Variants in DDX47 observed in about 807,000 individuals in gnomAD.
The protein encoded by DDX47 is probable ATP-dependent RNA helicase DDX47.
Under a neutral mutation model 58.8 loss-of-function variants are expected in DDX47, and 60 were observed. The ratio of observed to expected loss-of-function variants is 1.02; its 90% CI spans 0.83 to 1.26. The LOEUF (loss-of-function observed/expected upper bound fraction) is 1.26. Among genes scored for constraint, DDX47 ranks in the 50% most tolerant of loss-of-function variants. The probability of loss-of-function intolerance (pLI) is 0.00; values close to 1 mark genes in which losing one functional copy is unlikely to be tolerated. For missense variants in DDX47, 530 were observed against 573.2 expected (o/e 0.92, Z 0.77); for synonymous variants, 197 against 204.6 (o/e 0.96, Z 0.32).
intron 10 of DDX47, among the ~76,000 whole-genome samples, chr12:12,826,712 A>G (rs1863057276): frequency 6.6e-6 from 1 of 152,122 alleles, no homozygotes; most frequent in African/African-American, 2.4e-5. Context: ...AGCCTCTCAT[A>G]GTGCTGGGAT....
At chr12:12,829,399 C>G in intron 11 of DDX47, 24 bp from the exon 12 acceptor site, 1 of 1,590,876 alleles carries the variant, frequency 6.3e-7, no homozygotes, top group Non-Finnish European at 8.5e-7. Context: ...ATTTTCAATC[C>G]CATCCTCTCT....
In DDX47 at chr12:12,821,650, T is replaced by C. The variant is rs931327805; in HGVS notation, c.371-5T>C. 1 of 1,613,658 alleles carries C rather than the reference T, an allele frequency of 6.2e-7. No individual in the cohort carries two copies. Among genetic ancestry groups the C allele is most frequent in the African/African-American group, 1.3e-5 (1 of 74,892 alleles). On this transcript the variant is annotated splice_region_variant and splice_polypyrimidine_tract_variant and intron_variant, in intron 3 of 11. Coordinates refer to ENST00000358007, the MANE Select transcript of DDX47 (RefSeq NM_016355.4). ...CTCGTCTCTATGTTCTTTTTTTCTC[T>C]GTAGCTGTGATTGTAGGTGGAATTG...
At chr12:12,817,714 T>G in intron 2 of DDX47, among the ~76,000 whole-genome samples, 1 of 152,204 alleles carries the variant, frequency 6.6e-6, no homozygotes, top group East Asian at 1.9e-4. Context: ...GTATATTCTC[T>G]ACAGGTATAA....
At chr12:12,829,315 G>A in intron 11 of DDX47, 108 bp from the exon 12 acceptor site, 1 of 1,224,538 alleles carries the variant, frequency 8.2e-7, no homozygotes, top group Non-Finnish European at 1.1e-6. Context: ...CTAATGTCAG[G>A]CATCAGCAAG....
At chr12:12,823,402 T>G in intron 7 of DDX47, 83 bp downstream of exon 7, 1 of 856,630 alleles carries the variant, frequency 1.2e-6, no homozygotes, top group Non-Finnish European at 2.0e-6. Context: ...CTTGATTAGG[T>G]AAGAGCTGTA....
intron 8 of DDX47, 26 bp from the exon 9 acceptor site, chr12:12,824,514 C>T: frequency 6.3e-7 from 1 of 1,592,652 alleles, no homozygotes; most frequent in Non-Finnish European, 8.5e-7. Flanking sequence ...GTTAAGTTTT[C>T]CAACATTTCT....
Position 12,823,274 on chromosome 12 carries a change from T to C in DDX47, c.705T>C (p.Val235=), listed in dbSNP as rs1863000475. 6.2e-7 allele frequency: 1 copy of C among 1,612,314 alleles called. No homozygotes were observed. The highest frequency in any genetic ancestry group is 2.2e-5 in the East Asian group (1 of 44,898). The change falls in exon 7 of 12, where the codon GTT becomes GTC. Residue 235 remains valine, a synonymous_variant. Coordinates refer to ENST00000358007, the MANE Select transcript of DDX47 (RefSeq NM_016355.4). ...KCAVSSKYQT[V]EKLQQYYIFI... ...CCGTTTCCTCTAAATACCAGACAGT[T>C]GAAAAATTACAGCAATATTATATTT...
intron 1 of DDX47, among the ~76,000 whole-genome samples, chr12:12,813,781 G>A (rs1038536200): frequency 1.3e-5 from 2 of 152,200 alleles, no homozygotes; most frequent in Admixed American, 6.5e-5. Context: ...AACCAGATTT[G>A]AATTTTGACA....
At chr12:12,823,350 C>G (rs1376891410) in intron 7 of DDX47, 31 bp downstream of exon 7, 2 of 1,264,036 alleles carry the variant, frequency 1.6e-6, no homozygotes, top group Non-Finnish European at 2.3e-6. Flanking sequence ...ATTCCTGCCT[C>G]TCCCTCTTCT....
At chr12:12,813,619 T>G in intron 1 of DDX47, 165 bp downstream of exon 1, 1 of 681,804 alleles carries the variant, frequency 1.5e-6, no homozygotes, top group Non-Finnish European at 2.5e-6. Flanking sequence ...GCTCTGAGTT[T>G]GGGTGGTGGG....
rs775263305 is a variant in DDX47 at position 12,826,108 on chromosome 12, A to G, written c.1106+38A>G. 5.1e-6 allele frequency: 8 copies of G among 1,571,682 alleles called. No individual in the cohort carries two copies. The South Asian group carries it at 8.1e-5, about 16-fold the overall frequency. ...GCTTTAGGGCCGAGCAATGTAGAGA[A>G]AAGAGCAGAACTTTCAAGCCACTGG... is the stretch of plus-strand genomic sequence containing the variant. On this transcript the variant is annotated intron_variant, in intron 10 of 11. Transcript: ENST00000358007.
intron 7 of DDX47, chr12:12,823,539 A>G (rs879652095): frequency 8.8e-6 from 5 of 565,366 alleles, no homozygotes; most frequent in South Asian, 2.3e-5. Flanking sequence ...ATGTAATCAT[A>G]TAATTCCTTC....
intron 2 of DDX47, among the ~76,000 whole-genome samples, chr12:12,816,656 A>G (rs1862901631): frequency 6.6e-6 from 1 of 152,208 alleles, no homozygotes; most frequent in Non-Finnish European, 1.5e-5. Context: ...AAGATTCAAT[A>G]GAGGGTTGAA....
rs760849188 is a variant in DDX47 at position 12,822,636 on chromosome 12, G to A, written c.562-25G>A. On this transcript the variant is annotated intron_variant, in intron 5 of 11. Coordinates refer to ENST00000358007, the MANE Select transcript of DDX47 (RefSeq NM_016355.4). The stretch of plus-strand genomic sequence containing the variant: ...CTCTTCCAGTCTGAATATCATATTG[G>A]CATCTTTTCCTCTTTGTGCTTTAGG... The A allele has an allele frequency of 5.6e-6, 9 of 1,602,192 alleles. No homozygotes were observed. In the East Asian group the frequency reaches 1.8e-4, roughly 32 times the overall value.
intron 1 of DDX47, among the ~76,000 whole-genome samples, chr12:12,813,877 C>G (rs1862852412): frequency 6.6e-6 from 1 of 152,196 alleles, no homozygotes; most frequent in South Asian, 2.1e-4. Flanking sequence ...GTACTTACCT[C>G]GCAGAATTGT....
At chr12:12,819,911 G>C (rs1242743310) in intron 2 of DDX47, among the ~76,000 whole-genome samples, 1 of 152,152 alleles carries the variant, frequency 6.6e-6, no homozygotes, top group Non-Finnish European at 1.5e-5. Flanking sequence ...TCCCAGTTAA[G>C]CCTTTGTTTT....
At chr12:12,827,869 C>CTTTTTTTTTTTTTTTTTTTTTT (rs1354059622) in intron 11 of DDX47, among the ~76,000 whole-genome samples, 2 of 109,692 alleles carry the variant, frequency 1.8e-5, no homozygotes. Flanking sequence ...CAAAACTTTT[C>CTTTTTTTTTTTTTTTTTTTTTT]TTTTTTCTTT....
At chr12:12,826,366 G>T (rs112803767) in intron 10 of DDX47, 2,821 of 204,378 alleles carry the variant, frequency 0.014, 68 homozygotes, top group African/African-American at 0.059. Flanking sequence ...ATTTCCAATT[G>T]TTTTTTTTAA....
At chr12:12,820,188 T>G (rs1037857550) in intron 2 of DDX47, 1 of 152,192 alleles carries the variant, frequency 6.6e-6, no homozygotes. Flanking sequence ...CCAAGTCTTA[T>G]GAGTTGTGGC....
Sources: allele counts gnomAD v4.1 joint callset (sites outside exome capture counted in the v4.1 genomes callset), GRCh38; gene constraint gnomAD v4.1.1; transcripts MANE v1.5; gene names NCBI Gene and HGNC (gene_info 2026-07-23, HGNC 2026-07-21).